The following ROBO1 variants were observed in gnomAD, a reference collection of about 807,000 sequenced individuals.
ROBO1 encodes roundabout guidance receptor 1.
Under a neutral mutation model 195.9 loss-of-function variants are expected in ROBO1, and 149 were observed. That is an observed-to-expected ratio of 0.76 (90% CI 0.67 to 0.87). The LOEUF (loss-of-function observed/expected upper bound fraction) is 0.87. Ranked by LOEUF, ROBO1 falls within the 40% of genes least tolerant of loss-of-function variation. ROBO1 has a pLI of 0.00. For missense variants in ROBO1, 1,933 were observed against 2,068.3 expected, an observed-to-expected ratio of 0.93 and a Z score of 1.27; for synonymous variants, 816 against 733.2, an observed-to-expected ratio of 1.11 and a Z score of -1.82.
chr3:79,577,046 G>A (rs6795790), intron 2 of ROBO1, among the ~76,000 whole-genome samples: 1 of 151,912 alleles, frequency 6.6e-6, no homozygotes, highest in Non-Finnish European at 1.5e-5. Context: ...GTTTTCAATC[G>A]TAATTTTTGT....
At chr3:79,387,532 C>T (rs927667074) in intron 2 of ROBO1, among the ~76,000 whole-genome samples, 4 of 151,318 alleles carry the variant, frequency 2.6e-5, no homozygotes, top group Admixed American at 6.6e-5. Flanking sequence ...TAGTAAAATG[C>T]CATCATGGTT....
At chr3:79,057,211 C>G (rs2078828102) in intron 3 of ROBO1, among the ~76,000 whole-genome samples, 1 of 151,998 alleles carries the variant, frequency 6.6e-6, no homozygotes, top group African/African-American at 2.4e-5. Context: ...AAGCTTATAT[C>G]CACCCCTTAT....
chr3:78,820,549 G>T (rs2030788376), intron 4 of ROBO1, among the ~76,000 whole-genome samples: 1 of 152,180 alleles, frequency 6.6e-6, no homozygotes, highest in East Asian at 1.9e-4. Flanking sequence ...CTGTTTAAAT[G>T]ATTAAAGATG....
At chr3:79,654,532 G>T (rs370445129) in intron 1 of ROBO1, among the ~76,000 whole-genome samples, 3 of 151,866 alleles carry the variant, frequency 2.0e-5, no homozygotes, top group Non-Finnish European at 2.9e-5. Flanking sequence ...AGTAGAAATC[G>T]CATTCCTTAT....
intron 1 of ROBO1, among the ~76,000 whole-genome samples, chr3:79,766,253 T>A (rs1013049100): frequency 3.3e-5 from 5 of 151,762 alleles, no homozygotes; most frequent in Non-Finnish European, 7.4e-5. Context: ...TTGCCCTAAA[T>A]TGCTTGTTTT....
At chr3:79,553,840 TGAG>T (rs1942608403) in intron 2 of ROBO1, among the ~76,000 whole-genome samples, 2 of 152,088 alleles carry the variant, frequency 1.3e-5, no homozygotes, top group Admixed American at 6.6e-5. Flanking sequence ...GATCCTGTTT[TGAG>T]GAGGAGAATG....
chr3:78,946,461 C>G (rs1379411811), intron 3 of ROBO1, among the ~76,000 whole-genome samples: 1 of 152,148 alleles, frequency 6.6e-6, no homozygotes, highest in African/African-American at 2.4e-5. Flanking sequence ...ACTTTACAGA[C>G]AAGCAAATGC....
intron 10 of ROBO1, among the ~76,000 whole-genome samples, chr3:78,676,606 G>A (rs1349211089): frequency 2.8e-4 from 42 of 152,166 alleles, no homozygotes; most frequent in Non-Finnish European, 3.2e-4. Context: ...GAAATGAAGT[G>A]AGAAGGGAAG....
intron 2 of ROBO1, among the ~76,000 whole-genome samples, chr3:79,213,505 C>T (rs2082001554): frequency 6.6e-6 from 1 of 152,118 alleles, no homozygotes. Flanking sequence ...ATTTTGTATG[C>T]TGTCTCTAAC....
chr3:79,296,410 T>C (rs2032601794), intron 2 of ROBO1, among the ~76,000 whole-genome samples: 1 of 152,192 alleles, frequency 6.6e-6, no homozygotes, highest in Non-Finnish European at 1.5e-5. Context: ...GATAATATTC[T>C]ATGTGTAGAC....
intron 2 of ROBO1, among the ~76,000 whole-genome samples, chr3:79,193,156 A>C (rs761809489): frequency 1.1e-4 from 16 of 151,616 alleles, no homozygotes; most frequent in Non-Finnish European, 1.8e-4. Flanking sequence ...AGAAGTGGAG[A>C]CATGTTAAAC....
chr3:79,569,927 C>T (rs1943224215), intron 2 of ROBO1, among the ~76,000 whole-genome samples: 1 of 151,846 alleles, frequency 6.6e-6, no homozygotes, highest in Non-Finnish European at 1.5e-5. Context: ...GGGAAGACCC[C>T]ATCTCTACTA....
chr3:78,976,279 A>G (rs1193887956), intron 3 of ROBO1, among the ~76,000 whole-genome samples: 2 of 152,168 alleles, frequency 1.3e-5, no homozygotes, highest in Admixed American at 6.6e-5. Flanking sequence ...CTGCATCCCA[A>G]AGTTCAGACA....
rs200764502 is a variant in ROBO1 at position 79,585,773 on chromosome 3, G to T, written c.88+4051C>A. ...CTTTATTTCAGTGATTCTGCCATGG[G>T]CCCTGGGAATCTTTACTTTTAAGAA... On this transcript the variant is annotated intron_variant, in intron 2 of 30. Transcript: ENST00000464233. Among the ~76,000 whole-genome samples, 31 of 151,960 alleles carry T rather than the reference G, an allele frequency of 2.0e-4. No homozygotes were observed. The East Asian group carries it at 5.4e-3, about 27-fold the overall frequency.
chr3:79,631,382 G>A (rs1370251296), intron 1 of ROBO1, among the ~76,000 whole-genome samples: 1 of 151,904 alleles, frequency 6.6e-6, no homozygotes, highest in African/African-American at 2.4e-5. Context: ...ATAAACAATG[G>A]GAGAAGGACA....
In ROBO1 at chr3:79,672,121, C is replaced by G. The variant is rs534689582; in HGVS notation, c.-50-82160G>C. On this transcript the variant is annotated intron_variant, in intron 1 of 30. Coordinates refer to ENST00000464233, the MANE Select transcript of ROBO1 (RefSeq NM_002941.4). ...AGAACAACCGTTCACCCTGTGAGTT[C>G]ATAAAGCTATTTAATTTGCTCTTGT... Among the ~76,000 whole-genome samples the G allele has an allele frequency of 3.9e-5, 6 of 152,022 alleles. No individual in the cohort carries two copies. The East Asian group carries it at 1.2e-3, about 30-fold the overall frequency.
chr3:79,734,567 T>C (rs1335597470), intron 1 of ROBO1, among the ~76,000 whole-genome samples: 1 of 152,232 alleles, frequency 6.6e-6, no homozygotes, highest in African/African-American at 2.4e-5. Context: ...TCTTTCTTCA[T>C]ACTGAGAAGC....
chr3:79,248,906 T>C (rs1183091567), intron 2 of ROBO1, among the ~76,000 whole-genome samples: 1 of 152,116 alleles, frequency 6.6e-6, no homozygotes, highest in Non-Finnish European at 1.5e-5. Flanking sequence ...TGCAAAATTG[T>C]AATGGGGTCA....
chr3:78,779,613 G>T (rs560850029), intron 4 of ROBO1, among the ~76,000 whole-genome samples: 1 of 152,312 alleles, frequency 6.6e-6, no homozygotes, highest in Admixed American at 6.5e-5. Context: ...AACAACAGAT[G>T]CTGAAGAGGA....
Sources: gnomAD v4.1 joint callset for allele counts (sites outside exome capture counted in the v4.1 genomes callset) on GRCh38, gnomAD v4.1.1 for gene constraint, MANE v1.5 for transcripts, NCBI Gene and HGNC (gene_info 2026-07-23, HGNC 2026-07-21) for gene names.